The following SAMSN1 variants were observed in gnomAD, a reference collection of about 807,000 sequenced individuals.
SAMSN1 encodes the protein SAM domain, SH3 domain and nuclear localization signals 1, also known as SAM domain-containing protein SAMSN-1.
A neutral mutation model predicts 42.0 loss-of-function variants in SAMSN1; 31 were observed. That is an observed-to-expected ratio of 0.74 (90% confidence interval 0.55 to 1.00). The LOEUF is 1.00. SAMSN1 is among the 50% of genes least tolerant of loss of function. SAMSN1 has a pLI of 0.00. For synonymous variants in SAMSN1, 178 were observed against 151.9 expected (o/e 1.17, Z -1.26); for missense variants, 464 against 439.4 (o/e 1.06, Z -0.50).
At chr21:14,522,922 A>G (rs1600891832) in intron 1 of SAMSN1, among the ~76,000 whole-genome samples, 1 of 152,218 alleles carries the variant, frequency 6.6e-6, no homozygotes, top group East Asian at 1.9e-4. Context: ...CACACTCCTC[A>G]TTGTGGAACA....
intron 6 of SAMSN1, among the ~76,000 whole-genome samples, chr21:14,498,871 A>G (rs1267105016): frequency 6.6e-6 from 1 of 152,222 alleles, no homozygotes; most frequent in African/African-American, 2.4e-5. Flanking sequence ...TAGTTGGATC[A>G]TGCATCCCAT....
chr21:14,500,146 A>G (rs529713611), intron 6 of SAMSN1, among the ~76,000 whole-genome samples: 13 of 152,262 alleles, frequency 8.5e-5, no homozygotes, highest in Middle Eastern at 6.8e-3. Flanking sequence ...TGCTTGGTAG[A>G]AAATACAATT....
Position 14,569,984 on chromosome 21 carries a change from T to TCC in SAMSN1, c.261+12150_261+12151dup, listed in dbSNP as rs5842490. On this transcript the variant is annotated intron_variant, in intron 2 of 8. Transcript: ENST00000285670. ...AAAACTGTGGTGTCTTTAACCACTT[T>TCC]CCCCCCCCCCAGTTTTTCACTTGAC... Among the ~76,000 whole-genome samples the TCC allele has an allele frequency of 5.4e-3, 815 of 149,696 alleles. 6 individuals carry two copies. The highest frequency in any genetic ancestry group is 0.017 in the Middle Eastern group (5 of 288).
chr21:14,648,359 G>C (rs1600983753), intron 1 of SAMSN1, among the ~76,000 whole-genome samples: 1 of 152,218 alleles, frequency 6.6e-6, no homozygotes, highest in Non-Finnish European at 1.5e-5. Context: ...ATAGGCATGG[G>C]CAAGGACTTC....
chr21:14,568,457 G>T (rs1182723016), intron 2 of SAMSN1, among the ~76,000 whole-genome samples: 1 of 152,148 alleles, frequency 6.6e-6, no homozygotes, highest in Non-Finnish European at 1.5e-5. Flanking sequence ...TCAGCATTTT[G>T]CCATATAAGG....
intron 3 of SAMSN1, among the ~76,000 whole-genome samples, chr21:14,515,306 A>G (rs1368493200): frequency 1.3e-5 from 2 of 152,228 alleles, no homozygotes; most frequent in Admixed American, 1.3e-4. Context: ...GGAGTCCATA[A>G]GTAAACTCAC....
intron 2 of SAMSN1, among the ~76,000 whole-genome samples, chr21:14,563,705 T>C (rs1371461113): frequency 6.6e-6 from 1 of 152,192 alleles, no homozygotes; most frequent in Non-Finnish European, 1.5e-5. Flanking sequence ...TCGTGATTCA[T>C]ACAAAGTTAT....
At chr21:14,519,597 A>C (rs1366587391) in intron 2 of SAMSN1, among the ~76,000 whole-genome samples, 1 of 152,098 alleles carries the variant, frequency 6.6e-6, no homozygotes, top group African/African-American at 2.4e-5. Context: ...TTGATTGACT[A>C]TACAATTATG....
intron 2 of SAMSN1, among the ~76,000 whole-genome samples, chr21:14,518,437 C>T (rs571241425): frequency 3.9e-4 from 49 of 124,246 alleles, no homozygotes; most frequent in African/African-American, 1.5e-3. Flanking sequence ...TCATGTAGAA[C>T]GTTGCAGATT....
At chr21:14,617,992 A>G (rs1294837161) in intron 2 of SAMSN1, among the ~76,000 whole-genome samples, 4 of 152,250 alleles carry the variant, frequency 2.6e-5, no homozygotes, top group Non-Finnish European at 1.5e-5. Flanking sequence ...TGAAAGGAAC[A>G]TAATTAGCTT....
intron 6 of SAMSN1, 130 bp from the exon 7 acceptor site, chr21:14,498,722 C>A: frequency 1.6e-6 from 1 of 610,520 alleles, no homozygotes; most frequent in Non-Finnish European, 2.6e-6. Flanking sequence ...TACTTAACTT[C>A]ACTTGTATTC....
chr21:14,658,179 G>A (rs1011411404), intron 1 of SAMSN1, among the ~76,000 whole-genome samples: 11 of 151,390 alleles, frequency 7.3e-5, no homozygotes, highest in African/African-American at 2.4e-4. Context: ...TCAGGCTAAG[G>A]AAAAAAAAGT....
rs536165598 is a variant in SAMSN1 at position 14,643,802 on chromosome 21, C to T, written c.25-669G>A. On this transcript the variant is annotated intron_variant, in intron 1 of 15. Coordinates refer to the SAMSN1 transcript ENST00000647101. ...AGAAAAAACAGTCCCGAATCTCCGA[C>T]GCCACTCCTCCCCTACCGTGGCACC... Among the ~76,000 whole-genome samples the T allele has an allele frequency of 3.9e-5, 6 of 152,162 alleles. No individual in the cohort carries two copies. The East Asian group carries it at 5.8e-4, about 15-fold the overall frequency.
At chr21:14,626,828 G>A (rs575055785) in intron 2 of SAMSN1, among the ~76,000 whole-genome samples, 92 of 152,226 alleles carry the variant, frequency 6.0e-4, no homozygotes, top group South Asian at 4.2e-3. Flanking sequence ...ACATGCACAC[G>A]TATGTTTATT....
At chr21:14,599,382 T>C (rs1362014981) in intron 6 of SAMSN1, among the ~76,000 whole-genome samples, 2 of 152,208 alleles carry the variant, frequency 1.3e-5, no homozygotes, top group African/African-American at 4.8e-5. Context: ...TGCCACCCTG[T>C]GAAGAAGGTG....
intron 7 of SAMSN1, chr21:14,592,231 C>G (rs184485510): frequency 6.6e-6 from 1 of 152,250 alleles, no homozygotes; most frequent in Non-Finnish European, 1.5e-5. Flanking sequence ...GGTACACCTC[C>G]TAGCTGACCA....
At chr21:14,559,914 A>C (rs541776276) in intron 2 of SAMSN1, among the ~76,000 whole-genome samples, 1 of 152,294 alleles carries the variant, frequency 6.6e-6, no homozygotes, top group East Asian at 1.9e-4. Context: ...GTTATGCTGC[A>C]AGATTTGGAA....
rs750908336 is a variant in SAMSN1 at position 14,521,232 on chromosome 21, G to T, written c.58-11C>A. On this transcript the variant is annotated splice_polypyrimidine_tract_variant and intron_variant, in intron 1 of 7. Transcript: ENST00000400566. ...AAAACTGCTGCTTCGCTATAAAATAGAAAAGAAAAAGCAAAGGAAACTTAG... is the reference window on the plus strand; with the variant it reads ...AAAACTGCTGCTTCGCTATAAAATATAAAAGAAAAAGCAAAGGAAACTTAG... 1 of 1,596,370 alleles carries T rather than the reference G, an allele frequency of 6.3e-7. No homozygotes were observed. Among genetic ancestry groups the T allele is most frequent in the Non-Finnish European group, 8.6e-7 (1 of 1,168,598 alleles).
intron 1 of SAMSN1, among the ~76,000 whole-genome samples, chr21:14,534,772 CT>C (rs1282045190): frequency 6.6e-6 from 1 of 152,172 alleles, no homozygotes; most frequent in African/African-American, 2.4e-5. Flanking sequence ...TGCTTTAAGA[CT>C]TTCCCTTTTC....
Sources: allele counts gnomAD v4.1 joint callset (sites outside exome capture counted in the v4.1 genomes callset), GRCh38; gene constraint gnomAD v4.1.1; transcripts MANE v1.5; gene names NCBI Gene and HGNC (gene_info 2026-07-23, HGNC 2026-07-21).